Variants in ANKRD28 observed in about 807,000 individuals in gnomAD.
The protein encoded by ANKRD28 is serine/threonine-protein phosphatase 6 regulatory ankyrin repeat subunit A.
A neutral mutation model predicts 126.5 loss-of-function variants in ANKRD28; 44 were observed. The ratio of observed to expected loss-of-function variants is 0.35; its 90% CI spans 0.27 to 0.45. ANKRD28 has a LOEUF of 0.45. Ranked by LOEUF, ANKRD28 falls within the 20% of genes least tolerant of loss-of-function variation. ANKRD28 has a pLI of 1.00. For synonymous variants in ANKRD28, 442 were observed against 468.5 expected (o/e 0.94, Z 0.73); for missense variants, 1,110 against 1,316.6 (o/e 0.84, Z 2.43).
At chr3:15,696,075 G>C in intron 15 of ANKRD28, 59 bp downstream of exon 15, 1 of 1,147,662 alleles carries the variant, frequency 8.7e-7, no homozygotes, top group Non-Finnish European at 1.2e-6. Flanking sequence ...TCTCATTTTT[G>C]TTACATTATT....
chr3:15,831,310 A>G (rs781182068), intron 1 of ANKRD28, among the ~76,000 whole-genome samples: 1 of 152,174 alleles, frequency 6.6e-6, no homozygotes, highest in Non-Finnish European at 1.5e-5. Context: ...TTTGCCCAAG[A>G]CCAAAAACTA....
chr3:15,783,956 C>T (rs146715236), intron 2 of ANKRD28, among the ~76,000 whole-genome samples: 25 of 151,802 alleles, frequency 1.6e-4, no homozygotes, highest in Non-Finnish European at 2.9e-4. Flanking sequence ...CACACAGGGG[C>T]TAAGATAATA....
intron 4 of ANKRD28, among the ~76,000 whole-genome samples, chr3:15,742,466 G>A (rs1385791561): frequency 4.5e-4 from 64 of 142,886 alleles, no homozygotes; most frequent in African/African-American, 1.5e-3. Flanking sequence ...CTGCCCAGCC[G>A]CCCCGTCTGA....
intron 1 of ANKRD28, among the ~76,000 whole-genome samples, chr3:15,857,446 G>A (rs372980912): frequency 6.6e-6 from 1 of 152,154 alleles, no homozygotes; most frequent in African/African-American, 2.4e-5. Context: ...CACCACACCA[G>A]ACTAATTTTT....
At position 15,711,259 on chromosome 3, in the gene ANKRD28, G is replaced by T. The variant is rs2072232980; in HGVS notation, c.1289C>A (p.Thr430Asn). 3 of 1,611,616 alleles carry T rather than the reference G, an allele frequency of 1.9e-6. No individual in the cohort carries two copies. Among genetic ancestry groups the T allele is most frequent in the African/African-American group, 1.3e-5 (1 of 74,904 alleles). The change falls in exon 12 of 28, where the codon ACC becomes AAC. Residue 430 changes from threonine (T) to asparagine (N), a missense_variant. Transcript: ENST00000683139. ...KLLSSGFDID[T>N]PDDFGRTCLH... ...ACAAGTCCTGCCAAAATCATCTGGG[G>T]TATCTATATCAAATCCTACAAGAAT...
At chr3:15,680,408 TGTTG>T (rs1229853683) in intron 21 of ANKRD28, among the ~76,000 whole-genome samples, 1 of 152,070 alleles carries the variant, frequency 6.6e-6, no homozygotes, top group Non-Finnish European at 1.5e-5. Flanking sequence ...GGTTTCACCA[TGTTG>T]GTCAGGCTGA....
rs1391631414 is a variant in ANKRD28, at chr3:15,846,273, G to A, written c.27+13104C>T. Among the ~76,000 whole-genome samples the A allele has an allele frequency of 1.3e-5, 2 of 152,212 alleles. No individual in the cohort carries two copies. Among genetic ancestry groups the A allele is most frequent in the Non-Finnish European group, 2.9e-5 (2 of 68,044 alleles). On this transcript the variant is annotated intron_variant, in intron 1 of 27. Coordinates refer to the ANKRD28 transcript ENST00000399451. This position sits in a 1 kb window ranked among gnomAD's most constrained non-coding sequence, Gnocchi z 5.4. ...CGTTCCTGTTCCAATGGGAGACACTGGCCAAAACAAAGAGGCTACTGGCCC... is the reference window on the plus strand; with the variant it reads ...CGTTCCTGTTCCAATGGGAGACACTAGCCAAAACAAAGAGGCTACTGGCCC...
At position 15,853,686 on chromosome 3, in the gene ANKRD28, G is replaced by C. The variant is rs2061701122; in HGVS notation, c.27+5691C>G. The stretch of plus-strand genomic sequence containing the variant: ...GGGTTTCACCGTGTTAGCCAGGATG[G>C]TCTCGATCTCCTGACCTCATGATCC... On this transcript the variant is annotated intron_variant, in intron 1 of 27. Transcript: ENST00000399451. This position sits in a 1 kb window ranked among gnomAD's most constrained non-coding sequence, Gnocchi z 4.2. Among the ~76,000 whole-genome samples the C allele has an allele frequency of 6.6e-6, 1 of 152,066 alleles. No homozygotes were observed. Among genetic ancestry groups the C allele is most frequent in the South Asian group, 2.1e-4 (1 of 4,828 alleles).
intron 2 of ANKRD28, chr3:15,781,725 T>C (rs1229076509): frequency 2.0e-5 from 3 of 152,168 alleles, no homozygotes; most frequent in Non-Finnish European, 4.4e-5. Context: ...TTCAGTGGAA[T>C]GTCAGCTGCT....
At chr3:15,787,415 A>G (rs1043498874) in intron 2 of ANKRD28, among the ~76,000 whole-genome samples, 2 of 152,138 alleles carry the variant, frequency 1.3e-5, no homozygotes, top group African/African-American at 4.8e-5. Context: ...ATCTAGAGGC[A>G]CTGGCCACAA....
At chr3:15,837,814 G>T (rs1441334357) in intron 1 of ANKRD28, among the ~76,000 whole-genome samples, 1 of 126,034 alleles carries the variant, frequency 7.9e-6, no homozygotes, top group Non-Finnish European at 1.7e-5. Flanking sequence ...ACAGAAAAAA[G>T]AAAAAGAAGA....
chr3:15,764,197 C>T (rs561110081), intron 3 of ANKRD28, among the ~76,000 whole-genome samples: 295 of 152,006 alleles, frequency 1.9e-3, no homozygotes, highest in African/African-American at 6.6e-3. Flanking sequence ...CCAGCCTGGG[C>T]GACAGAGCGA....
At chr3:15,693,151 A>C (rs1454501834) in intron 17 of ANKRD28, among the ~76,000 whole-genome samples, 2 of 152,224 alleles carry the variant, frequency 1.3e-5, no homozygotes, top group African/African-American at 2.4e-5. Flanking sequence ...TTTAACCTTT[A>C]CAAGATAAAA....
Position 15,766,223 on chromosome 3 carries a change from GGTTAC to G in ANKRD28, c.280+6_280+10del. The G allele has an allele frequency of 6.2e-7, 1 of 1,604,180 alleles. No individual in the cohort carries two copies. Among genetic ancestry groups the G allele is most frequent in the South Asian group, 1.1e-5 (1 of 89,822 alleles). On this transcript the variant is annotated splice_donor_region_variant and intron_variant, in intron 3 of 27. Coordinates refer to ENST00000683139, the MANE Select transcript of ANKRD28 (RefSeq NM_001349278.2). ...ACATAATGTGTTCTTATTACTCAGAGGTTACCATACCAGATAAAATAAGAAGTTCA... is the reference window on the plus strand; with the variant it reads ...ACATAATGTGTTCTTATTACTCAGAGCATACCAGATAAAATAAGAAGTTCA...
rs781391193 is a variant in ANKRD28, at chr3:15,803,779, T to C, written c.28-8473A>G. On this transcript the variant is annotated intron_variant, in intron 1 of 27. Coordinates refer to the ANKRD28 transcript ENST00000399451. Reference sequence around the variant, plus strand: ...TTTAAGAAATTTGGGACTTTTTTAGTTTCCAAATTTATACAATGAAGAATG... The same window carrying C: ...TTTAAGAAATTTGGGACTTTTTTAGCTTCCAAATTTATACAATGAAGAATG... Among the ~76,000 whole-genome samples the C allele has an allele frequency of 2.3e-5, 3 of 132,370 alleles. 1 individual carries two copies. The highest frequency in any genetic ancestry group is 5.8e-5 in the African/African-American group (2 of 34,228). The allele number at this position is 132,370 out of a possible 152,430, so 86.8% of individuals were successfully genotyped here.
chr3:15,689,039 C>A (rs2068477551), intron 18 of ANKRD28, among the ~76,000 whole-genome samples: 1 of 152,210 alleles, frequency 6.6e-6, no homozygotes, highest in South Asian at 2.1e-4. Context: ...AACCCAACTT[C>A]TAAGGCAGAT....
At position 15,803,815 on chromosome 3, in the gene ANKRD28, C is replaced by T. The variant is rs191594642; in HGVS notation, c.28-8509G>A. ...ATACAATGAAGAATGTTACTTGTTACATCAATATCTAAGGTGCATTTCATG... is the reference window on the plus strand; with the variant it reads ...ATACAATGAAGAATGTTACTTGTTATATCAATATCTAAGGTGCATTTCATG... On this transcript the variant is annotated intron_variant, in intron 1 of 27. Coordinates refer to the ANKRD28 transcript ENST00000399451. Among the ~76,000 whole-genome samples, 41 of 143,878 alleles carry T rather than the reference C, an allele frequency of 2.8e-4. 7 individuals are homozygous for T. The highest frequency in any genetic ancestry group is 1.2e-3 in the Admixed American group (18 of 14,534). 94.4% of individuals were successfully genotyped at this position (143,878 alleles called of 152,430 possible). A position where few individuals can be genotyped will look rare whatever the true frequency, so the allele number is the denominator to read the frequency against.
chr3:15,736,747 T>A (rs544030845), intron 5 of ANKRD28, among the ~76,000 whole-genome samples: 1 of 152,356 alleles, frequency 6.6e-6, no homozygotes, highest in South Asian at 2.1e-4. Flanking sequence ...CAATAACATA[T>A]CTCTGTCTTC....
At chr3:15,711,423 T>A (rs936279855) in intron 11 of ANKRD28, 149 bp from the exon 12 acceptor site, 1 of 595,866 alleles carries the variant, frequency 1.7e-6, no homozygotes, top group Admixed American at 3.2e-5. Context: ...TAAAAGGCAA[T>A]AGGATACAAT....
Sources: allele counts gnomAD v4.1 joint callset (sites outside exome capture counted in the v4.1 genomes callset), GRCh38; gene constraint gnomAD v4.1.1; non-coding constraint Gnocchi (gnomAD v3.1); transcripts MANE v1.5; gene names NCBI Gene and HGNC (gene_info 2026-07-23, HGNC 2026-07-21).